OSBPL10: variants seen among roughly 807,000 people sequenced by gnomAD.
The protein encoded by OSBPL10 is oxysterol-binding protein-related protein 10.
In OSBPL10, 49 loss-of-function variants were observed where a neutral mutation model predicts 81.7. That is an observed-to-expected ratio of 0.60 (90% CI 0.48 to 0.76). The LOEUF (loss-of-function observed/expected upper bound fraction) is 0.76. OSBPL10 is among the 30% of genes least tolerant of loss of function. OSBPL10 has a pLI of 0.00. For missense variants in OSBPL10, 923 were observed against 987.8 expected, an observed-to-expected ratio of 0.93 and a Z score of 0.88; for synonymous variants, 419 against 383.6, an observed-to-expected ratio of 1.09 and a Z score of -1.08.
At chr3:31,905,742 T>G (rs531181774) in intron 1 of OSBPL10, among the ~76,000 whole-genome samples, 1 of 152,046 alleles carries the variant, frequency 6.6e-6, no homozygotes, top group Non-Finnish European at 1.5e-5. Flanking sequence ...TTCTAAGCAT[T>G]GACTATGATA....
At chr3:31,682,534 C>T (rs987044289) in intron 8 of OSBPL10, among the ~76,000 whole-genome samples, 6 of 152,228 alleles carry the variant, frequency 3.9e-5, no homozygotes, top group Admixed American at 2.6e-4. Flanking sequence ...ATAAGGCTTG[C>T]CTTACCCCTC....
At chr3:31,962,926 C>T (rs1698207916) in intron 1 of OSBPL10, among the ~76,000 whole-genome samples, 1 of 152,208 alleles carries the variant, frequency 6.6e-6, no homozygotes, top group Non-Finnish European at 1.5e-5. Flanking sequence ...TCTTGCAATA[C>T]AATGACTTGC....
In OSBPL10 at chr3:31,950,680, G is replaced by T. The variant is rs145130464; in HGVS notation, c.281+30219C>A. Among the ~76,000 whole-genome samples, 336 of 152,242 alleles carry T rather than the reference G, an allele frequency of 2.2e-3. 2 individuals carry two copies. Among genetic ancestry groups the T allele is most frequent in the Middle Eastern group, 0.01 (3 of 294 alleles). On this transcript the variant is annotated intron_variant, in intron 1 of 11. Transcript: ENST00000396556. The stretch of plus-strand genomic sequence containing the variant: ...GGTGGAGCCTAAGGGGAGGCACTTG[G>T]GTCATGGGGGCAGATCCCTCACAAA...
intron 4 of OSBPL10, among the ~76,000 whole-genome samples, chr3:31,820,930 C>A (rs184232566): frequency 6.6e-6 from 1 of 152,244 alleles, no homozygotes; most frequent in East Asian, 1.9e-4. Context: ...GTGCTAGGTG[C>A]TGTGCTAAGG....
At chr3:31,800,003 C>T (rs907362352) in intron 4 of OSBPL10, among the ~76,000 whole-genome samples, 3 of 152,190 alleles carry the variant, frequency 2.0e-5, no homozygotes, top group African/African-American at 4.8e-5. Context: ...CCACCACGCC[C>T]GGCCCCAAAG....
chr3:31,682,406 C>G (rs914683891), intron 8 of OSBPL10, among the ~76,000 whole-genome samples: 7 of 152,228 alleles, frequency 4.6e-5, no homozygotes, highest in African/African-American at 1.7e-4. Flanking sequence ...CCTCCACCTG[C>G]CCCTGTTCAC....
chr3:31,847,481 G>A (rs554554780), intron 3 of OSBPL10, among the ~76,000 whole-genome samples: 13 of 152,020 alleles, frequency 8.6e-5, no homozygotes, highest in South Asian at 2.1e-4. Context: ...GAGCCACCAC[G>A]CCCAGCCTAT....
At chr3:31,702,662 C>A (rs1049084322) in intron 6 of OSBPL10, among the ~76,000 whole-genome samples, 154 bp from the exon 7 acceptor site, 4 of 152,220 alleles carry the variant, frequency 2.6e-5, no homozygotes, top group African/African-American at 9.6e-5. Flanking sequence ...ACGGGGCAGA[C>A]AAGTCCCCTG....
intron 4 of OSBPL10, among the ~76,000 whole-genome samples, chr3:31,802,129 C>T (rs149757216): frequency 0.033 from 4,984 of 149,144 alleles, 117 homozygotes; most frequent in Middle Eastern, 0.089. Context: ...AGTCCGCCCG[C>T]CTCGGCCTCC....
chr3:31,684,256 T>C, intron 7 of OSBPL10, 142 bp from the exon 8 acceptor site: 4 of 1,092,788 alleles, frequency 3.7e-6, no homozygotes, highest in Non-Finnish European at 5.1e-6. Context: ...TGTGCACACA[T>C]GACAAACCAA....
At chr3:31,779,143 A>G (rs1245706217) in intron 4 of OSBPL10, among the ~76,000 whole-genome samples, 1 of 152,078 alleles carries the variant, frequency 6.6e-6, no homozygotes, top group African/African-American at 2.4e-5. Flanking sequence ...CAGGGCCTAT[A>G]AAAACAAAAC....
chr3:31,916,430 A>AG (rs1326938558), intron 1 of OSBPL10, among the ~76,000 whole-genome samples: 1 of 152,208 alleles, frequency 6.6e-6, no homozygotes, highest in East Asian at 1.9e-4. Context: ...AAAACAGAGG[A>AG]GTCAAGTGTA....
At chr3:31,712,084 A>G (rs1696273100) in intron 6 of OSBPL10, among the ~76,000 whole-genome samples, 2 of 152,174 alleles carry the variant, frequency 1.3e-5, no homozygotes, top group Admixed American at 1.3e-4. Context: ...CCAGGGATGA[A>G]GAGAACCTTA....
intron 4 of OSBPL10, among the ~76,000 whole-genome samples, chr3:31,828,714 G>C (rs1208962933): frequency 6.6e-6 from 1 of 152,136 alleles, no homozygotes; most frequent in Non-Finnish European, 1.5e-5. Context: ...TGTGTTATTA[G>C]TAGAGATGGA....
intron 4 of OSBPL10, among the ~76,000 whole-genome samples, chr3:31,753,575 C>T (rs1276680348): frequency 6.6e-6 from 1 of 152,172 alleles, no homozygotes; most frequent in Non-Finnish European, 1.5e-5. Context: ...TATTCCACTA[C>T]TCTCAGGAGC....
chr3:31,807,391 A>AAAT (rs1425961901), intron 4 of OSBPL10, among the ~76,000 whole-genome samples: 2 of 130,938 alleles, frequency 1.5e-5, no homozygotes, highest in African/African-American at 5.3e-5. Flanking sequence ...ATAAATAAAT[A>AAAT]AATAAATAAA....
Position 31,769,455 on chromosome 3 carries a change from A to AC in OSBPL10, c.730-21336_730-21335insG, listed in dbSNP as rs1192910566. Among the ~76,000 whole-genome samples, 181 of 86,024 alleles carry AC rather than the reference A, an allele frequency of 2.1e-3. 34 individuals carry two copies. The highest frequency in any genetic ancestry group is 8.2e-3 in the African/African-American group (174 of 21,290). The allele number at this position is 86,024 out of a possible 152,430, so 56.4% of individuals were successfully genotyped here. ...AGCAAAACTCCATCTCAAAAAAAAA[A>AC]AAACAAAAAAAAAACAAAAAAAAAC... On this transcript the variant is annotated intron_variant, in intron 4 of 11. Coordinates refer to ENST00000396556, the MANE Select transcript of OSBPL10 (RefSeq NM_017784.5).
At position 31,721,277 on chromosome 3, in the gene OSBPL10, G is replaced by A. The variant is rs546016265; in HGVS notation, c.1095+11980C>T. The A allele has an allele frequency of 2.6e-5, 4 of 152,332 alleles. No homozygotes were observed. In the South Asian group the frequency reaches 8.3e-4, roughly 32 times the overall value. 9.4% of individuals were successfully genotyped at this position (152,332 alleles called of 1,614,324 possible). ...CTTTAAGTTTAGCCCACTGAGACCT[G>A]TGTCAGACTTCTAACCAACAGAACT... On this transcript the variant is annotated intron_variant, in intron 6 of 11. Transcript: ENST00000396556.
At chr3:31,662,753 G>A in intron 11 of OSBPL10, 6 of 985,404 alleles carry the variant, frequency 6.1e-6, no homozygotes, top group Non-Finnish European at 7.2e-6. Context: ...AGGAAGAACT[G>A]TAAATGTTTT....
Sources: allele counts gnomAD v4.1 joint callset (sites outside exome capture counted in the v4.1 genomes callset), GRCh38; gene constraint gnomAD v4.1.1; transcripts MANE v1.5; gene names NCBI Gene and HGNC (gene_info 2026-07-23, HGNC 2026-07-21).